Variants in AGBL4 observed in about 807,000 individuals in gnomAD.
AGBL4 encodes the protein AGBL carboxypeptidase 4, also known as cytosolic carboxypeptidase 6.
A neutral mutation model predicts 66.4 loss-of-function variants in AGBL4; 58 were observed. The ratio of observed to expected loss-of-function variants is 0.87; its 90% CI spans 0.71 to 1.09. The LOEUF is 1.09. Among genes scored for constraint, AGBL4 ranks in the 50% least tolerant of loss-of-function variants. The pLI is 0.00. For synonymous variants in AGBL4, 234 were observed against 222.9 expected, an observed-to-expected ratio of 1.05 and a Z score of -0.44; for missense variants, 579 against 631.0, an observed-to-expected ratio of 0.92 and a Z score of 0.88.
intron 2 of AGBL4, among the ~76,000 whole-genome samples, chr1:49,824,940 T>A (rs4244636): frequency 6.6e-6 from 1 of 151,876 alleles, no homozygotes; most frequent in African/African-American, 2.4e-5. Context: ...CTATTGCTAT[T>A]TTTTGGTTTG....
rs1273351353 is a variant in AGBL4, at chr1:48,983,948, T to C, written c.594+61636A>G. On this transcript the variant is annotated intron_variant, in intron 5 of 13. Transcript: ENST00000371839. Reference sequence around the variant, plus strand: ...TAGGGATCTGATCTAGGGCTAGTTATAAAAACAGGGAACACAGCAAGGAAG... The same window carrying C: ...TAGGGATCTGATCTAGGGCTAGTTACAAAAACAGGGAACACAGCAAGGAAG... Among the ~76,000 whole-genome samples the C allele has an allele frequency of 2.0e-5, 3 of 152,218 alleles. No homozygotes were observed. The East Asian group carries it at 5.8e-4, about 29-fold the overall frequency.
intron 9 of AGBL4, among the ~76,000 whole-genome samples, chr1:48,599,488 T>C (rs1285664987): frequency 6.6e-6 from 1 of 152,186 alleles, no homozygotes; most frequent in Non-Finnish European, 1.5e-5. Context: ...ATCATAATCT[T>C]ATGGGACCAC....
intron 1 of AGBL4, among the ~76,000 whole-genome samples, chr1:49,930,292 T>C (rs983743881): frequency 2.0e-5 from 3 of 152,018 alleles, no homozygotes; most frequent in Non-Finnish European, 2.9e-5. Context: ...AAAAGCTTCA[T>C]ATAAAATAAA....
At chr1:49,955,312 C>A (rs1656504843) in intron 1 of AGBL4, among the ~76,000 whole-genome samples, 1 of 151,958 alleles carries the variant, frequency 6.6e-6, no homozygotes, top group African/African-American at 2.4e-5. Context: ...CAAAGTTTCA[C>A]TATAAAACAA....
rs191784451 is a variant in AGBL4, at chr1:49,288,357, A to G, written c.283-42493T>C. On this transcript the variant is annotated intron_variant, in intron 3 of 13. Transcript: ENST00000371839. ...TGTGCACATGTACCCTAAAATTTAA[A>G]GTATAATAAAAAAAAAAAAGAAAGA... Among the ~76,000 whole-genome samples the G allele has an allele frequency of 7.4e-3, 1,116 of 151,108 alleles. 17 individuals are homozygous for G. Among genetic ancestry groups the G allele is most frequent in the African/African-American group, 0.026 (1,080 of 40,786 alleles).
rs1372272160 is a variant in AGBL4, at chr1:49,948,570, T to TAGAG, written c.34+75192_34+75193insCTCT. ...ATATATATAAATATATAAAAATATA[T>TAGAG]ATATATATATATAGAGAGAGAGAGA... On this transcript the variant is annotated intron_variant, in intron 1 of 13. Coordinates refer to ENST00000371839, the MANE Select transcript of AGBL4 (RefSeq NM_032785.4). 1.7e-4 allele frequency among the ~76,000 whole-genome samples: 19 copies of TAGAG among 109,530 alleles called. No homozygotes were observed. In the South Asian group the frequency reaches 1.9e-3, roughly 11 times the overall value. 71.9% of individuals were successfully genotyped at this position (109,530 alleles called of 152,430 possible).
intron 6 of AGBL4, among the ~76,000 whole-genome samples, chr1:48,717,523 C>T (rs139013213): frequency 7.4e-4 from 113 of 152,036 alleles, no homozygotes; most frequent in African/African-American, 2.6e-3. Flanking sequence ...AATGTGTGTG[C>T]GTGTGTGTGT....
intron 1 of AGBL4, among the ~76,000 whole-genome samples, chr1:50,020,715 T>C (rs1428829321): frequency 2.0e-5 from 3 of 152,216 alleles, no homozygotes; most frequent in African/African-American, 7.2e-5. Context: ...AGTTGTCAAC[T>C]TCTCCGTGCC....
At chr1:49,670,842 A>G (rs900809292) in intron 3 of AGBL4, among the ~76,000 whole-genome samples, 1 of 152,192 alleles carries the variant, frequency 6.6e-6, no homozygotes, top group Non-Finnish European at 1.5e-5. Context: ...GGTGAAACTT[A>G]TAGCTTCAAA....
intron 1 of AGBL4, among the ~76,000 whole-genome samples, chr1:49,987,344 A>G (rs145387952): frequency 2.9e-4 from 44 of 152,166 alleles, no homozygotes; most frequent in African/African-American, 1.0e-3. Context: ...CATTAGCCCT[A>G]TGATAATAAG....
chr1:48,696,663 G>A (rs1646718153), intron 6 of AGBL4, among the ~76,000 whole-genome samples: 1 of 152,186 alleles, frequency 6.6e-6, no homozygotes, highest in South Asian at 2.1e-4. Context: ...ACAGGACTGA[G>A]GAGATGCAAA....
intron 4 of AGBL4, chr1:49,187,646 A>G (rs1368631289): frequency 6.6e-6 from 1 of 152,084 alleles, no homozygotes; most frequent in Non-Finnish European, 1.5e-5. Context: ...TCTTCAATGG[A>G]TCCAAAACAT....
At chr1:48,738,617 T>C (rs1341827335) in intron 6 of AGBL4, among the ~76,000 whole-genome samples, 2 of 152,214 alleles carry the variant, frequency 1.3e-5, no homozygotes, top group Non-Finnish European at 2.9e-5. Context: ...ACAAGGAACT[T>C]TGAATTACAT....
Position 48,879,902 on chromosome 1 carries a change from T to TATC in AGBL4, c.595-12675_595-12673dup, listed in dbSNP as rs34774968. Among the ~76,000 whole-genome samples the TATC allele has an allele frequency of 2.7e-3, 405 of 152,300 alleles. 2 individuals are homozygous for TATC. Among genetic ancestry groups the TATC allele is most frequent in the Middle Eastern group, 0.01 (3 of 294 alleles). On this transcript the variant is annotated intron_variant, in intron 5 of 13. Coordinates refer to ENST00000371839, the MANE Select transcript of AGBL4 (RefSeq NM_032785.4). ...TATTACTAAATAATTCTACCAATGA[T>TATC]ATCAAAATAAAAAATGAAAAATACA...
At chr1:49,657,325 G>C (rs1283376564) in intron 3 of AGBL4, among the ~76,000 whole-genome samples, 1 of 152,142 alleles carries the variant, frequency 6.6e-6, no homozygotes, top group Non-Finnish European at 1.5e-5. Flanking sequence ...TCTTCAAGGA[G>C]AACTACAAAC....
intron 1 of AGBL4, among the ~76,000 whole-genome samples, chr1:49,897,192 A>C (rs1649308561): frequency 6.6e-6 from 1 of 152,008 alleles, no homozygotes; most frequent in Non-Finnish European, 1.5e-5. Context: ...TAGATGATAT[A>C]AACTTGCACT....
Position 49,318,386 on chromosome 1 carries a change from AGATGATGATGATGAT to A in AGBL4, c.283-72537_283-72523del, listed in dbSNP as rs3052048. Among the ~76,000 whole-genome samples, 18 of 148,784 alleles carry A rather than the reference AGATGATGATGATGAT, an allele frequency of 1.2e-4. No individual in the cohort carries two copies. In the East Asian group the frequency reaches 1.8e-3, roughly 15 times the overall value. ...ACAACATACGGGAATATTTAAATGC[AGATGATGATGATGAT>A]GATGATGATGATGATGATGATGATG... On this transcript the variant is annotated intron_variant, in intron 3 of 13. Transcript: ENST00000371839.
At chr1:49,512,472 C>T (rs578081532) in intron 3 of AGBL4, among the ~76,000 whole-genome samples, 1 of 152,022 alleles carries the variant, frequency 6.6e-6, no homozygotes, top group East Asian at 1.9e-4. Flanking sequence ...GCAGATCCTT[C>T]ATGGCTTGGT....
intron 3 of AGBL4, among the ~76,000 whole-genome samples, chr1:49,320,341 G>A (rs1645111096): frequency 7.3e-6 from 1 of 136,114 alleles, no homozygotes; most frequent in South Asian, 2.4e-4. Flanking sequence ...TCTTTGTTCA[G>A]AGAGTGATCT....
Sources: allele counts gnomAD v4.1 joint callset (sites outside exome capture counted in the v4.1 genomes callset), GRCh38; gene constraint gnomAD v4.1.1; transcripts MANE v1.5; gene names NCBI Gene and HGNC (gene_info 2026-07-23, HGNC 2026-07-21).